LRRFIP2: variants seen among roughly 807,000 people sequenced by gnomAD.
The protein encoded by LRRFIP2 is LRR binding FLII interacting protein 2, also known as leucine-rich repeat flightless-interacting protein 2.
Under a neutral mutation model 125.9 loss-of-function variants are expected in LRRFIP2, and 109 were observed. The ratio of observed to expected loss-of-function variants is 0.87; its 90% CI spans 0.74 to 1.01. The LOEUF (loss-of-function observed/expected upper bound fraction) is 1.01, where lower values mean the gene tolerates loss of function less well. LRRFIP2 is among the 50% of genes least tolerant of loss of function. LRRFIP2 has a pLI of 0.00. For missense variants in LRRFIP2, 850 were observed against 862.3 expected, an observed-to-expected ratio of 0.99 and a Z score of 0.18; for synonymous variants, 291 against 293.1, an observed-to-expected ratio of 0.99 and a Z score of 0.07.
At position 37,091,512 on chromosome 3, in the gene LRRFIP2, T is replaced by C; in HGVS notation, c.1062A>G (p.Ile354Met). The C allele has an allele frequency of 1.2e-6, 2 of 1,612,032 alleles. No individual in the cohort carries two copies. The highest frequency in any genetic ancestry group is 1.7e-6 in the Non-Finnish European group (2 of 1,179,104). The change falls in exon 18 of 28, where the codon ATA becomes ATG. Residue 354 changes from isoleucine to methionine, a missense_variant. Transcript: ENST00000336686. ...LRDIYDLKDQ[I>M]QDVEGRYMQG... ...GCATGTATCTCCCTTCTACATCCTG[T>C]ATCTGGTCCTTAAGGTCATAGATAT... is the stretch of plus-strand genomic sequence containing the variant.
At chr3:37,069,325 A>G (rs2090737549) in intron 21 of LRRFIP2, among the ~76,000 whole-genome samples, 1 of 152,236 alleles carries the variant, frequency 6.6e-6, no homozygotes, top group South Asian at 2.1e-4. Context: ...AATGGCCAAA[A>G]GGTAGATGTG....
intron 1 of LRRFIP2, chr3:37,154,747 AC>A (rs1206949436): frequency 6.6e-6 from 1 of 152,182 alleles, no homozygotes; most frequent in Admixed American, 6.5e-5. Flanking sequence ...GCATTTTGCC[AC>A]AGTAAAAGTG....
intron 17 of LRRFIP2, among the ~76,000 whole-genome samples, chr3:37,091,749 A>G (rs1360741592): frequency 6.6e-6 from 1 of 152,242 alleles, no homozygotes; most frequent in Non-Finnish European, 1.5e-5. Context: ...AGAGTAATCA[A>G]TCTAATGTTA....
chr3:37,172,693 T>A (rs978290037), intron 1 of LRRFIP2: 1 of 152,186 alleles, frequency 6.6e-6, no homozygotes, highest in East Asian at 1.9e-4. Context: ...AACAAATGCA[T>A]ACATATGTTC....
At chr3:37,131,622 T>C (rs1238935076) in intron 2 of LRRFIP2, among the ~76,000 whole-genome samples, 3 of 152,240 alleles carry the variant, frequency 2.0e-5, no homozygotes, top group Non-Finnish European at 4.4e-5. Flanking sequence ...ATAACTATAG[T>C]TGTTGTCTTC....
intron 9 of LRRFIP2, among the ~76,000 whole-genome samples, chr3:37,110,326 G>A (rs1037679269): frequency 2.0e-5 from 3 of 152,302 alleles, no homozygotes; most frequent in Admixed American, 2.0e-4. Flanking sequence ...TTTTCCTGAT[G>A]TCATCTGAGG....
At chr3:37,164,018 A>G (rs2096412503) in intron 1 of LRRFIP2, among the ~76,000 whole-genome samples, 1 of 152,226 alleles carries the variant, frequency 6.6e-6, no homozygotes, top group Admixed American at 6.5e-5. Flanking sequence ...TATGCAAAAT[A>G]AATTCGTTTT....
At chr3:37,055,780 C>T (rs1349276401) in intron 25 of LRRFIP2, among the ~76,000 whole-genome samples, 1 of 152,182 alleles carries the variant, frequency 6.6e-6, no homozygotes, top group African/African-American at 2.4e-5. Context: ...CAGCCCCTAC[C>T]AACCCTGTGT....
At chr3:37,080,828 C>G (rs2092578612) in intron 19 of LRRFIP2, among the ~76,000 whole-genome samples, 1 of 152,050 alleles carries the variant, frequency 6.6e-6, no homozygotes, top group African/African-American at 2.4e-5. Context: ...TCAACTCATT[C>G]TAAGGTGTGA....
At chr3:37,057,577 A>G (rs1267199669) in intron 25 of LRRFIP2, among the ~76,000 whole-genome samples, 1 of 149,662 alleles carries the variant, frequency 6.7e-6, no homozygotes, top group East Asian at 1.9e-4. Context: ...CACATTGCCC[A>G]GGCTGGTCTC....
At position 37,072,963 on chromosome 3, in the gene LRRFIP2, A is replaced by G. The variant is rs755003547; in HGVS notation, c.1372-81T>C. On this transcript the variant is annotated intron_variant, in intron 20 of 27. Coordinates refer to ENST00000336686, the MANE Select transcript of LRRFIP2 (RefSeq NM_006309.4). ...AGGTTTGAGGGAGGAAACAAAAATA[A>G]AGCCGATAAAGAAACTTAACCAAAA... 30 of 875,902 alleles carry G rather than the reference A, an allele frequency of 3.4e-5. No individual in the cohort carries two copies. In the Middle Eastern group the frequency reaches 9.1e-4, roughly 27 times the overall value. 54.3% of individuals were successfully genotyped at this position (875,902 alleles called of 1,614,324 possible).
At chr3:37,167,653 CAA>C (rs533367910) in intron 1 of LRRFIP2, among the ~76,000 whole-genome samples, 14 of 74,450 alleles carry the variant, frequency 1.9e-4, no homozygotes, top group Non-Finnish European at 2.1e-4. Context: ...CACTCTGTCT[CAA>C]AAAAAAAAAA....
rs540246737 is a variant in LRRFIP2, at chr3:37,077,198, T to C, written c.1279-2082A>G. Among the ~76,000 whole-genome samples, 8 of 152,314 alleles carry C rather than the reference T, an allele frequency of 5.3e-5. No individual in the cohort carries two copies. In the South Asian group the frequency reaches 1.0e-3, roughly 20 times the overall value. On this transcript the variant is annotated intron_variant, in intron 19 of 27. Coordinates refer to ENST00000336686, the MANE Select transcript of LRRFIP2 (RefSeq NM_006309.4). ...AATCTCACTCTTCATCATAGATACA[T>C]TGGCAAAAATACAAAAAGACCTATG...
chr3:37,118,924 A>G lies in LRRFIP2; in HGVS notation c.330+2568T>C, dbSNP rs189204126. Reference sequence around the variant, plus strand: ...AGTGTTTAGGCCATCTACAGAGGACAAAAGTTGTCTAACAATTCAGCTTAA... The same window carrying G: ...AGTGTTTAGGCCATCTACAGAGGACGAAAGTTGTCTAACAATTCAGCTTAA... On this transcript the variant is annotated intron_variant, in intron 6 of 27. Transcript: ENST00000336686. Among the ~76,000 whole-genome samples the G allele has an allele frequency of 7.2e-5, 11 of 152,382 alleles. No individual in the cohort carries two copies. The East Asian group carries it at 2.1e-3, about 29-fold the overall frequency.
intron 2 of LRRFIP2, chr3:37,140,478 C>T (rs1378080002): frequency 6.6e-6 from 1 of 152,038 alleles, no homozygotes. Context: ...GTGGCTCATG[C>T]CTGTAGTCCT....
Position 37,065,956 on chromosome 3 carries a change from A to T in LRRFIP2, c.1567-14T>A. 1 of 1,614,076 alleles carries T rather than the reference A, an allele frequency of 6.2e-7. No individual in the cohort carries two copies. The highest frequency in any genetic ancestry group is 8.5e-7 in the Non-Finnish European group (1 of 1,179,962). ...TAAGCCATGTTTCTGCAGGGGGGAA[A>T]AACCCACCATCACAAAAGGCCCGTA... is the stretch of plus-strand genomic sequence containing the variant. On this transcript the variant is annotated splice_polypyrimidine_tract_variant and intron_variant, in intron 22 of 27. Transcript: ENST00000336686.
At chr3:37,092,270 G>A (rs1219240459) in intron 17 of LRRFIP2, among the ~76,000 whole-genome samples, 8 of 152,102 alleles carry the variant, frequency 5.3e-5, no homozygotes, top group Admixed American at 3.9e-4. Context: ...CTGAATGCTC[G>A]ATTTATGTCC....
chr3:37,075,266 G>T, intron 19 of LRRFIP2, 150 bp from the exon 20 acceptor site: 1 of 499,076 alleles, frequency 2.0e-6, no homozygotes, highest in Admixed American at 3.6e-5. Context: ...GTATTCTATA[G>T]AAAAGTTAAG....
At chr3:37,122,754 TA>T (rs962768983) in intron 4 of LRRFIP2, among the ~76,000 whole-genome samples, 11 of 151,536 alleles carry the variant, frequency 7.3e-5, no homozygotes, top group African/African-American at 2.7e-4. Context: ...AGCAGATTTT[TA>T]AAAAAAAATG....
Sources: gnomAD v4.1 joint callset for allele counts (sites outside exome capture counted in the v4.1 genomes callset) on GRCh38, gnomAD v4.1.1 for gene constraint, MANE v1.5 for transcripts, NCBI Gene and HGNC (gene_info 2026-07-23, HGNC 2026-07-21) for gene names.